Variants in TCF7L1 observed in about 807,000 individuals in gnomAD.
TCF7L1 encodes transcription factor 7-like 1.
TCF7L1 carries 18 observed loss-of-function variants against 63.7 expected under a neutral mutation model. That is an observed-to-expected ratio of 0.28 (90% CI 0.20 to 0.42). The LOEUF is 0.42. Among genes scored for constraint, TCF7L1 ranks in the 10% least tolerant of loss-of-function variants. The pLI, the probability that TCF7L1 is intolerant of heterozygous loss-of-function variation, is 1.00. For missense variants in TCF7L1, 654 were observed against 779.3 expected (o/e 0.84, Z 1.91); for synonymous variants, 355 against 340.9 (o/e 1.04, Z -0.46).
chr2:85,299,860 A>AAAACACACACACACACACACAC (rs563153471), intron 4 of TCF7L1, among the ~76,000 whole-genome samples: 1 of 92,706 alleles, frequency 1.1e-5, no homozygotes, highest in East Asian at 5.7e-4. Flanking sequence ...CCTTGTCTCA[A>AAAACACACACACACACACACAC]ACACACACAC....
At chr2:85,254,850 G>A (rs1219567515) in intron 3 of TCF7L1, among the ~76,000 whole-genome samples, 1 of 152,200 alleles carries the variant, frequency 6.6e-6, no homozygotes, top group Non-Finnish European at 1.5e-5. Flanking sequence ...GGGAAAACAC[G>A]AGTGGAAGCC....
chr2:85,276,052 G>T (rs759483056), intron 3 of TCF7L1, among the ~76,000 whole-genome samples: 3 of 152,162 alleles, frequency 2.0e-5, no homozygotes, highest in Non-Finnish European at 4.4e-5. Flanking sequence ...AGAAAGAAGG[G>T]ATAAGAGTGT....
rs572364844 is a variant in TCF7L1 at position 85,245,809 on chromosome 2, C to T, written c.442-37686C>T. On this transcript the variant is annotated intron_variant, in intron 3 of 11. Coordinates refer to ENST00000282111, the MANE Select transcript of TCF7L1 (RefSeq NM_031283.3). ...CGGCCTGGGCAACAGAGCGAGACTC[C>T]ATCTCAAAAAAAAATTAATTAATTA... Among the ~76,000 whole-genome samples, 5 of 148,238 alleles carry T rather than the reference C, an allele frequency of 3.4e-5. 1 individual carries two copies. Among genetic ancestry groups the T allele is most frequent in the African/African-American group, 1.2e-4 (5 of 40,058 alleles).
At chr2:85,246,169 G>A (rs752707149) in intron 3 of TCF7L1, among the ~76,000 whole-genome samples, 5 of 152,228 alleles carry the variant, frequency 3.3e-5, no homozygotes, top group Admixed American at 6.5e-5. Context: ...GGAAAAAATC[G>A]AGGATGGACA....
rs1182542916 is a variant in TCF7L1 at position 85,229,020 on chromosome 2, C to CAAA, written c.442-54458_442-54456dup. Among the ~76,000 whole-genome samples the CAAA allele has an allele frequency of 1.9e-4, 11 of 57,350 alleles. 2 individuals carry two copies. In the South Asian group the frequency reaches 3.3e-3, roughly 17 times the overall value. The allele number at this position is 57,350 out of a possible 152,430, so 37.6% of individuals were successfully genotyped here. On this transcript the variant is annotated intron_variant, in intron 3 of 11. Coordinates refer to ENST00000282111, the MANE Select transcript of TCF7L1 (RefSeq NM_031283.3). ...TGGGCGACAGAGAGAGACTCTGTCT[C>CAAA]AAAAAAAAAAAAAAAAAAAGAAAGG...
At position 85,307,192 on chromosome 2, in the gene TCF7L1, C is replaced by T. The variant is rs143354622; in HGVS notation, c.1258-450C>T. 4.8e-3 allele frequency among the ~76,000 whole-genome samples: 734 copies of T among 152,016 alleles called. 5 individuals are homozygous for T. Among genetic ancestry groups the T allele is most frequent in the African/African-American group, 0.017 (711 of 41,462 alleles). ...CACTCCTAACCCAGGGCTCAAAGACCAGTGTGTGAGCCTCAGGGGGCGTGT... is the reference window on the plus strand; with the variant it reads ...CACTCCTAACCCAGGGCTCAAAGACTAGTGTGTGAGCCTCAGGGGGCGTGT... On this transcript the variant is annotated intron_variant, in intron 10 of 11. Coordinates refer to ENST00000282111, the MANE Select transcript of TCF7L1 (RefSeq NM_031283.3).
At chr2:85,202,026 G>A (rs946021343) in intron 3 of TCF7L1, among the ~76,000 whole-genome samples, 9 of 151,854 alleles carry the variant, frequency 5.9e-5, no homozygotes, top group Admixed American at 2.0e-4. Flanking sequence ...GCAGTGGTGC[G>A]ATCTCAGCTC....
chr2:85,290,088 C>T (rs1477013467), intron 4 of TCF7L1, among the ~76,000 whole-genome samples: 1 of 151,938 alleles, frequency 6.6e-6, no homozygotes, highest in Non-Finnish European at 1.5e-5. Flanking sequence ...AGCAATTCTC[C>T]CTGCCTCAGC....
At chr2:85,180,085 T>C (rs772415002) in intron 3 of TCF7L1, among the ~76,000 whole-genome samples, 9 of 151,738 alleles carry the variant, frequency 5.9e-5, no homozygotes, top group Non-Finnish European at 8.8e-5. Context: ...GCAAGGACTG[T>C]TGGAGAAAGG....
At position 85,227,992 on chromosome 2, in the gene TCF7L1, CAAAAAAAAAA is replaced by C. The variant is rs34769307; in HGVS notation, c.442-55488_442-55479del. Among the ~76,000 whole-genome samples the C allele has an allele frequency of 4.8e-4, 38 of 79,526 alleles. 1 individual carries two copies. Among genetic ancestry groups the C allele is most frequent in the South Asian group, 2.9e-3 (6 of 2,082 alleles). 52.2% of individuals were successfully genotyped at this position (79,526 alleles called of 152,430 possible). ...GAGTGACAGAGCAAGACCCTGTCTC[CAAAAAAAAAA>C]AAAAAAAAAAAAAATTAGTCACAAA... On this transcript the variant is annotated intron_variant, in intron 3 of 11. Transcript: ENST00000282111.
At position 85,306,688 on chromosome 2, in the gene TCF7L1, G is replaced by A. The variant is rs1203718005; in HGVS notation, c.1257+129G>A. 2.5e-6 allele frequency: 2 copies of A among 784,902 alleles called. No homozygotes were observed. The highest frequency in any genetic ancestry group is 4.1e-5 in the South Asian group (2 of 48,732). The allele number at this position is 784,902 out of a possible 1,614,324, so 48.6% of individuals were successfully genotyped here. On this transcript the variant is annotated intron_variant, in intron 10 of 11. Transcript: ENST00000282111. This position sits in a 1 kb window ranked among gnomAD's most constrained non-coding sequence, Gnocchi z 4.3. Reference sequence around the variant, plus strand: ...TTTTCTTTTATTTTTTGAGACAGAGGCTCACCCTGTCACCCAGGCTGGAGT... The same window carrying A: ...TTTTCTTTTATTTTTTGAGACAGAGACTCACCCTGTCACCCAGGCTGGAGT...
chr2:85,211,150 C>G (rs1186321948), intron 3 of TCF7L1, among the ~76,000 whole-genome samples: 1 of 152,194 alleles, frequency 6.6e-6, no homozygotes, highest in Non-Finnish European at 1.5e-5. Flanking sequence ...ATCCAGGGAT[C>G]CAATTGCTTT....
chr2:85,198,456 G>A (rs937024098), intron 3 of TCF7L1, among the ~76,000 whole-genome samples: 6 of 152,204 alleles, frequency 3.9e-5, no homozygotes, highest in African/African-American at 7.2e-5. Context: ...GGCCTGGAGT[G>A]TCCTCTGTTC....
At chr2:85,209,175 A>G (rs917759554) in intron 3 of TCF7L1, among the ~76,000 whole-genome samples, 3 of 152,224 alleles carry the variant, frequency 2.0e-5, no homozygotes, top group African/African-American at 7.2e-5. Flanking sequence ...AAGTTAGGCT[A>G]GAGAGCGAAT....
rs1678394156 is a variant in TCF7L1 at position 85,165,408 on chromosome 2, T to C, written c.441+30958T>C. Among the ~76,000 whole-genome samples, 4 of 152,342 alleles carry C rather than the reference T, an allele frequency of 2.6e-5. No homozygotes were observed. The South Asian group carries it at 8.3e-4, about 32-fold the overall frequency. On this transcript the variant is annotated intron_variant, in intron 3 of 11. Transcript: ENST00000282111. ...GCCCTCCAGTCCTGTTAGATCCTTC[T>C]TGGGAAGCTGGTCCCTGTCCCTGGC...
At chr2:85,194,172 A>G (rs1679100615) in intron 3 of TCF7L1, among the ~76,000 whole-genome samples, 1 of 152,124 alleles carries the variant, frequency 6.6e-6, no homozygotes. Flanking sequence ...GCACCTTCCC[A>G]CCGAAACAGG....
Position 85,133,899 on chromosome 2 carries a change from AGT to A in TCF7L1, c.216_217del (p.Glu72AspfsTer43). The A allele has an allele frequency of 6.6e-7, 1 of 1,523,338 alleles. No homozygotes were observed. The allele number at this position is 1,523,338 out of a possible 1,614,324, so 94.4% of individuals were successfully genotyped here. ...GAGGTCAAGTCGTCCCTGGTCAACG[AGT>A]CGGAGAACCAGAGCAGCAGCTCGGA... On this transcript the variant is annotated frameshift_variant, in exon 1 of 12. Transcript: ENST00000282111. LOFTEE classifies it high-confidence loss of function. The surrounding 1 kb of genome is among the most constrained non-coding windows in gnomAD (Gnocchi z 4.4).
intron 3 of TCF7L1, among the ~76,000 whole-genome samples, chr2:85,172,673 G>T (rs976677652): frequency 6.6e-6 from 1 of 152,074 alleles, no homozygotes; most frequent in East Asian, 1.9e-4. Flanking sequence ...TGATCTGCCC[G>T]CCTTGGCCTC....
intron 3 of TCF7L1, among the ~76,000 whole-genome samples, chr2:85,144,924 A>G (rs1677843310): frequency 6.6e-6 from 1 of 151,996 alleles, no homozygotes; most frequent in African/African-American, 2.4e-5. Flanking sequence ...TCTCTACTAA[A>G]AATACAAAAA....
Sources: gnomAD v4.1 joint callset for allele counts (sites outside exome capture counted in the v4.1 genomes callset) on GRCh38, gnomAD v4.1.1 for gene constraint, Gnocchi (gnomAD v3.1) non-coding constraint, MANE v1.5 for transcripts, NCBI Gene and HGNC (gene_info 2026-07-23, HGNC 2026-07-21) for gene names.